Variants in LRRC7 observed in about 807,000 individuals in gnomAD.
LRRC7 encodes leucine rich repeat containing 7, also known as leucine-rich repeat-containing protein 7.
A neutral mutation model predicts 175.7 loss-of-function variants in LRRC7; 23 were observed. The ratio of observed to expected loss-of-function variants is 0.13; its 90% CI spans 0.09 to 0.19. The LOEUF is 0.19. LRRC7 is among the 10% of genes least tolerant of loss of function. The pLI is 1.00. For synonymous variants in LRRC7, 685 were observed against 680.9 expected (o/e 1.01, Z -0.09); for missense variants, 1,354 against 1,904.7 (o/e 0.71, Z 5.38).
In LRRC7 at chr1:69,609,043, A is replaced by G. The variant is rs995576530; in HGVS notation, c.2+40402A>G. On this transcript the variant is annotated intron_variant, in intron 1 of 26. Coordinates refer to ENST00000651989, the MANE Select transcript of LRRC7 (RefSeq NM_001370785.2). ...TTCTCCATGGAAAAAAAATGTCCAGATAATGGGATATTTGAAATATGAGCA... is the reference window on the plus strand; with the variant it reads ...TTCTCCATGGAAAAAAAATGTCCAGGTAATGGGATATTTGAAATATGAGCA... Among the ~76,000 whole-genome samples the G allele has an allele frequency of 2.6e-5, 4 of 151,746 alleles. No homozygotes were observed. In the South Asian group the frequency reaches 8.3e-4, roughly 32 times the overall value.
intron 11 of LRRC7, among the ~76,000 whole-genome samples, chr1:70,007,813 T>C (rs1344869252): frequency 2.0e-5 from 3 of 152,308 alleles, no homozygotes; most frequent in Middle Eastern, 3.4e-3. Flanking sequence ...TCTTCATTCT[T>C]TTCATCACAC....
chr1:69,967,084 GA>G, intron 8 of LRRC7, among the ~76,000 whole-genome samples: 1 of 152,286 alleles, frequency 6.6e-6, no homozygotes, highest in East Asian at 1.9e-4. Flanking sequence ...CCACTGCCTG[GA>G]AACAGACTCT....
intron 7 of LRRC7, among the ~76,000 whole-genome samples, chr1:69,842,707 G>A (rs1206000111): frequency 3.9e-5 from 6 of 152,104 alleles, no homozygotes; most frequent in Admixed American, 3.9e-4. Context: ...AGATAAATCT[G>A]AAGTAATGAC....
chr1:69,855,697 CGTT>C (rs1476511074), intron 7 of LRRC7, among the ~76,000 whole-genome samples: 11 of 151,996 alleles, frequency 7.2e-5, no homozygotes, highest in Admixed American at 7.2e-4. Flanking sequence ...CTTTCTGTCT[CGTT>C]GATCTGTCTA....
intron 3 of LRRC7, among the ~76,000 whole-genome samples, chr1:69,784,852 A>T (rs866516289): frequency 6.6e-6 from 1 of 152,302 alleles, no homozygotes; most frequent in South Asian, 2.1e-4. Flanking sequence ...GTAGAACACA[A>T]TATAAATGTT....
chr1:70,136,265 G>A lies in LRRC7; in HGVS notation c.*14378G>A, dbSNP rs926664839. ...GGTCTTGCCATAAATATGCCCCGCA[G>A]GTTCACCTATACCCCAAAATATATA... On this transcript the variant is annotated 3_prime_UTR_variant, in exon 27 of 27. Transcript: ENST00000651989. Among the ~76,000 whole-genome samples, 6 of 151,778 alleles carry A rather than the reference G, an allele frequency of 4.0e-5. No homozygotes were observed. Among genetic ancestry groups the A allele is most frequent in the African/African-American group, 1.5e-4 (6 of 41,270 alleles).
chr1:70,004,689 C>T (rs1054775301), intron 11 of LRRC7, among the ~76,000 whole-genome samples: 1 of 151,914 alleles, frequency 6.6e-6, no homozygotes, highest in Non-Finnish European at 1.5e-5. Flanking sequence ...TTAAGCAGCT[C>T]ACCTTTGCCA....
At chr1:69,904,278 T>G (rs1277885005) in intron 7 of LRRC7, among the ~76,000 whole-genome samples, 1 of 152,138 alleles carries the variant, frequency 6.6e-6, no homozygotes, top group Non-Finnish European at 1.5e-5. Flanking sequence ...TTGAGTAATT[T>G]TTTGGAAGAT....
intron 1 of LRRC7, among the ~76,000 whole-genome samples, chr1:69,649,478 A>G (rs944028630): frequency 2.0e-5 from 3 of 152,206 alleles, no homozygotes; most frequent in Non-Finnish European, 2.9e-5. Context: ...GATTTTGAAG[A>G]TTTGTGTATG....
At chr1:69,578,708 C>T (rs1461236861) in intron 1 of LRRC7, among the ~76,000 whole-genome samples, 1 of 148,054 alleles carries the variant, frequency 6.8e-6, no homozygotes, top group African/African-American at 2.5e-5. Context: ...AACCAAACAC[C>T]ACATATTCTC....
chr1:69,615,299 C>T (rs190222916), intron 1 of LRRC7, among the ~76,000 whole-genome samples: 57 of 152,028 alleles, frequency 3.7e-4, no homozygotes, highest in Admixed American at 2.2e-3. Flanking sequence ...GAGCTAGGGT[C>T]GGGTTTGCAA....
At position 69,600,800 on chromosome 1, in the gene LRRC7, C is replaced by CTTTTTTTTTTT. The variant is rs59212223; in HGVS notation, c.2+32177_2+32187dup. On this transcript the variant is annotated intron_variant, in intron 1 of 26. Coordinates refer to ENST00000651989, the MANE Select transcript of LRRC7 (RefSeq NM_001370785.2). ...CCATTTCTCCAAGGATCTCTGGTTTCTTTTTTTTTTTTTTTTTTTTTTTTT... is the reference window on the plus strand; with the variant it reads ...CCATTTCTCCAAGGATCTCTGGTTTCTTTTTTTTTTTTTTTTTTTTTTTTTTTTTTTTTTTT... Among the ~76,000 whole-genome samples the CTTTTTTTTTTT allele has an allele frequency of 9.3e-3, 605 of 64,856 alleles. 199 individuals are homozygous for CTTTTTTTTTTT. The highest frequency in any genetic ancestry group is 0.021 in the Middle Eastern group (2 of 96). The allele number at this position is 64,856 out of a possible 152,430, so 42.5% of individuals were successfully genotyped here. A position where few individuals can be genotyped will look rare whatever the true frequency, so the allele number is the denominator to read the frequency against.
At chr1:69,813,014 T>C (rs1285624671) in intron 4 of LRRC7, among the ~76,000 whole-genome samples, 11 of 152,126 alleles carry the variant, frequency 7.2e-5, no homozygotes, top group South Asian at 4.1e-4. Flanking sequence ...TGAGTGTCAA[T>C]TGATGAATCC....
chr1:70,062,084 AG>A (rs1661622831), intron 23 of LRRC7, among the ~76,000 whole-genome samples: 1 of 152,130 alleles, frequency 6.6e-6, no homozygotes, highest in Non-Finnish European at 1.5e-5. Context: ...AAACACCAAT[AG>A]GAGGCTTTTG....
At chr1:69,801,737 T>A (rs899014294) in intron 4 of LRRC7, among the ~76,000 whole-genome samples, 14 of 151,624 alleles carry the variant, frequency 9.2e-5, no homozygotes, top group South Asian at 4.1e-4. Flanking sequence ...TGATTTTTTT[T>A]ATTTCTTTTC....
intron 8 of LRRC7, among the ~76,000 whole-genome samples, chr1:69,936,286 G>A (rs1382784267): frequency 1.3e-5 from 2 of 152,070 alleles, no homozygotes; most frequent in Non-Finnish European, 2.9e-5. Context: ...AAAATGTTAG[G>A]ACTTGATTAC....
At chr1:69,983,484 C>T (rs1295450191) in intron 9 of LRRC7, among the ~76,000 whole-genome samples, 1 of 152,200 alleles carries the variant, frequency 6.6e-6, no homozygotes, top group African/African-American at 2.4e-5. Flanking sequence ...TACTCTATTC[C>T]CCCAGCTTCT....
At chr1:69,683,740 A>C (rs1218690663) in intron 2 of LRRC7, among the ~76,000 whole-genome samples, 1 of 152,174 alleles carries the variant, frequency 6.6e-6, no homozygotes, top group Non-Finnish European at 1.5e-5. Flanking sequence ...AATGTGGAAA[A>C]ACTTTTTTAG....
Position 70,134,456 on chromosome 1 carries a change from GCTT to G in LRRC7, c.*12576_*12578del, listed in dbSNP as rs1426537413. Among the ~76,000 whole-genome samples the G allele has an allele frequency of 6.6e-6, 1 of 152,176 alleles. No individual in the cohort carries two copies. Among genetic ancestry groups the G allele is most frequent in the African/African-American group, 2.4e-5 (1 of 41,438 alleles). On this transcript the variant is annotated 3_prime_UTR_variant, in exon 27 of 27. Transcript: ENST00000651989. ...CAGCTTAGCCAGCCTCCTGGTCTGA[GCTT>G]CTTCTTTGCTAATTCCATCAAAGCC...
Sources: allele counts gnomAD v4.1 joint callset (sites outside exome capture counted in the v4.1 genomes callset), GRCh38; gene constraint gnomAD v4.1.1; transcripts MANE v1.5; gene names NCBI Gene and HGNC (gene_info 2026-07-23, HGNC 2026-07-21).